Variants in GCH1 observed in about 807,000 individuals in gnomAD.
The protein encoded by GCH1 is GTP cyclohydrolase 1.
In GCH1, 5 loss-of-function variants were observed where a neutral mutation model predicts 25.9. That is an observed-to-expected ratio of 0.19 (90% confidence interval 0.10 to 0.41). The LOEUF is 0.41. GCH1 is among the 10% of genes least tolerant of loss of function. The pLI, the probability that GCH1 is intolerant of heterozygous loss-of-function variation, is 1.00. For missense variants in GCH1, 261 were observed against 336.5 expected (o/e 0.78, Z 1.75); for synonymous variants, 159 against 129.6 (o/e 1.23, Z -1.54).
intron 4 of GCH1, 112 bp from the exon 5 acceptor site, chr14:54,845,964 A>G (rs2039636780): frequency 2.7e-6 from 2 of 749,756 alleles, no homozygotes; most frequent in South Asian, 2.9e-5. Flanking sequence ...GAGATTTAAG[A>G]GCCAAGACAC....
chr14:54,877,475 C>T (rs938390097), intron 1 of GCH1, among the ~76,000 whole-genome samples: 4 of 152,100 alleles, frequency 2.6e-5, no homozygotes, highest in African/African-American at 9.7e-5. Context: ...GTAAGACAGG[C>T]CCACAATACA....
chr14:54,844,651 T>C (rs2039612848), intron 5 of GCH1, among the ~76,000 whole-genome samples: 1 of 152,214 alleles, frequency 6.6e-6, no homozygotes, highest in Non-Finnish European at 1.5e-5. Context: ...CTGAGCAACC[T>C]GGTGACATTA....
chr14:54,893,154 G>A (rs186171240), intron 1 of GCH1, among the ~76,000 whole-genome samples: 4 of 152,296 alleles, frequency 2.6e-5, no homozygotes, highest in Admixed American at 2.0e-4. Context: ...TTGGCCTTGA[G>A]TATAACAGAT....
chr14:54,882,266 T>C (rs2040282773), intron 1 of GCH1, among the ~76,000 whole-genome samples: 1 of 152,248 alleles, frequency 6.6e-6, no homozygotes, highest in African/African-American at 2.4e-5. Context: ...GCCCCACTGC[T>C]CAGCTTCTGA....
chr14:54,877,580 A>C (rs1595003717), intron 1 of GCH1, among the ~76,000 whole-genome samples: 1 of 151,644 alleles, frequency 6.6e-6, no homozygotes, highest in Non-Finnish European at 1.5e-5. Context: ...TGCAACCTCC[A>C]CCTCCTAGGC....
intron 1 of GCH1, among the ~76,000 whole-genome samples, chr14:54,876,315 G>A (rs1198286774): frequency 1.3e-5 from 2 of 152,092 alleles, no homozygotes; most frequent in East Asian, 3.9e-4. Flanking sequence ...ACACAGGAAG[G>A]GGAACATCAC....
At chr14:54,900,534 G>A (rs552360173) in intron 1 of GCH1, among the ~76,000 whole-genome samples, 8 of 152,264 alleles carry the variant, frequency 5.3e-5, no homozygotes, top group African/African-American at 1.9e-4. Flanking sequence ...TTCTAATGTG[G>A]AATGATGTGT....
Position 54,880,515 on chromosome 14 carries a change from CTCCATATATATATATAT to C in GCH1, c.344-15096_344-15080del, listed in dbSNP as rs1566676839. ...TATATATACTCCATATATATATATACTCCATATATATATATATACTCCATATATATATATACTCCATA... is the reference window on the plus strand; with the variant it reads ...TATATATACTCCATATATATATATACACTCCATATATATATATACTCCATA... On this transcript the variant is annotated intron_variant, in intron 1 of 5. Coordinates refer to ENST00000491895, the MANE Select transcript of GCH1 (RefSeq NM_000161.3). Among the ~76,000 whole-genome samples, 78 of 80,618 alleles carry C rather than the reference CTCCATATATATATATAT, an allele frequency of 9.7e-4. 14 individuals are homozygous for C. The highest frequency in any genetic ancestry group is 3.6e-3 in the East Asian group (10 of 2,806). The allele number at this position is 80,618 out of a possible 152,430, so 52.9% of individuals were successfully genotyped here.
At chr14:54,864,629 T>C (rs1400208895) in intron 2 of GCH1, among the ~76,000 whole-genome samples, 1 of 152,168 alleles carries the variant, frequency 6.6e-6, no homozygotes, top group Non-Finnish European at 1.5e-5. Flanking sequence ...CCTAAAATAG[T>C]GCTCCCACCC....
chr14:54,847,148 G>T lies in GCH1; in HGVS notation c.510-18C>A. 1 of 946,880 alleles carries T rather than the reference G, an allele frequency of 1.1e-6. No homozygotes were observed. Among genetic ancestry groups the T allele is most frequent in the Non-Finnish European group, 1.7e-6 (1 of 599,394 alleles). 58.7% of individuals were successfully genotyped at this position (946,880 alleles called of 1,614,324 possible). ...CTACAATCCTAGAAAAGAAAGAATT[G>T]TTTTAGTTAATCACAAATCATTTGA... is the stretch of plus-strand genomic sequence containing the variant. On this transcript the variant is annotated intron_variant, in intron 3 of 5. Transcript: ENST00000491895.
chr14:54,867,915 TTGG>T (rs1414713130), intron 1 of GCH1, among the ~76,000 whole-genome samples: 5 of 152,208 alleles, frequency 3.3e-5, no homozygotes, highest in Non-Finnish European at 7.3e-5. Flanking sequence ...AAATAGTAAC[TTGG>T]TGGAGAAACC....
Position 54,876,259 on chromosome 14 carries a change from G to A in GCH1, c.344-10823C>T, listed in dbSNP as rs10146709. Among the ~76,000 whole-genome samples the A allele has an allele frequency of 8.8e-3, 1,343 of 151,828 alleles. 26 individuals are homozygous for A. Among genetic ancestry groups the A allele is most frequent in the African/African-American group, 0.031 (1,299 of 41,446 alleles). ...AACTATTGCAAGGACAAAAAGCACC[G>A]CATGTTCTCACTCATAGGTGGGAAT... On this transcript the variant is annotated intron_variant, in intron 1 of 5. Transcript: ENST00000491895.
At chr14:54,886,238 T>C (rs1408113267) in intron 1 of GCH1, 1 of 153,710 alleles carries the variant, frequency 6.5e-6, no homozygotes, top group Non-Finnish European at 1.5e-5. Context: ...TGTGAGTTCC[T>C]GCTTGGACAG....
At chr14:54,846,478 C>T (rs1390830545) in intron 4 of GCH1, among the ~76,000 whole-genome samples, 1 of 151,924 alleles carries the variant, frequency 6.6e-6, no homozygotes. Flanking sequence ...GAGATAGTTA[C>T]ATGGATGTGG....
chr14:54,892,373 T>C (rs1420332979), intron 1 of GCH1, among the ~76,000 whole-genome samples: 2 of 152,230 alleles, frequency 1.3e-5, no homozygotes, highest in Non-Finnish European at 2.9e-5. Flanking sequence ...AAATATAATA[T>C]GTGTTGAGAA....
chr14:54,860,793 C>G (rs2039885362), intron 2 of GCH1, among the ~76,000 whole-genome samples: 1 of 152,172 alleles, frequency 6.6e-6, no homozygotes, highest in Non-Finnish European at 1.5e-5. Context: ...CCCGCCTCGG[C>G]CTCCCAAAGA....
intron 1 of GCH1, among the ~76,000 whole-genome samples, chr14:54,867,589 CAA>C (rs1029899399): frequency 2.1e-5 from 1 of 46,648 alleles, no homozygotes; most frequent in Non-Finnish European, 3.9e-5. Flanking sequence ...GACTCCGTCT[CAA>C]AAAAAAAAAA....
chr14:54,880,176 T>C (rs1221769722), intron 1 of GCH1, among the ~76,000 whole-genome samples: 5 of 149,660 alleles, frequency 3.3e-5, no homozygotes, highest in Non-Finnish European at 7.4e-5. Flanking sequence ...AAATTCAGTA[T>C]AGTGGTTACC....
Position 54,843,927 on chromosome 14 carries a change from T to C in GCH1, c.*90A>G, listed in dbSNP as rs186619033. ...GGAATAAAGTTCACATCTGTAACAA[T>C]TGAAAATGGAATGTACAAACAAGAC... On this transcript the variant is annotated 3_prime_UTR_variant, in exon 6 of 6. Coordinates refer to ENST00000491895, the MANE Select transcript of GCH1 (RefSeq NM_000161.3). 1.3e-4 allele frequency: 209 copies of C among 1,613,050 alleles called. No homozygotes were observed. The African/African-American group carries it at 1.7e-3, about 13-fold the overall frequency.
Sources: gnomAD v4.1 joint callset for allele counts (sites outside exome capture counted in the v4.1 genomes callset) on GRCh38, gnomAD v4.1.1 for gene constraint, MANE v1.5 for transcripts, NCBI Gene and HGNC (gene_info 2026-07-23, HGNC 2026-07-21) for gene names.